MOV10L1: variants seen among roughly 807,000 people sequenced by gnomAD.
The protein encoded by MOV10L1 is RNA helicase Mov10l1.
A neutral mutation model predicts 143.8 loss-of-function variants in MOV10L1; 110 were observed. The observed-to-expected ratio is 0.76, with a 90% CI of 0.66 to 0.90. The LOEUF is 0.90. Ranked by LOEUF, MOV10L1 falls within the 40% of genes least tolerant of loss-of-function variation. The pLI, the probability that MOV10L1 is intolerant of heterozygous loss-of-function variation, is 0.00. For synonymous variants in MOV10L1, 593 were observed against 581.1 expected (o/e 1.02, Z -0.29); for missense variants, 1,406 against 1,526.8 (o/e 0.92, Z 1.32).
Position 50,099,414 on chromosome 22 carries a change from TGGTTTAGAGC to T in MOV10L1, c.283-25_283-16del, listed in dbSNP as rs776925443. 6.3e-7 allele frequency: 1 copy of T among 1,599,226 alleles called. No homozygotes were observed. Among genetic ancestry groups the T allele is most frequent in the Non-Finnish European group, 8.6e-7 (1 of 1,168,316 alleles). Reference sequence around the variant, plus strand: ...TGCTTTTCTTGTAGTTCTCGTATTATGGTTTAGAGCGGTGTGTTTGTTTTACAGGTAGAAG... The same window carrying T: ...TGCTTTTCTTGTAGTTCTCGTATTATGGTGTGTTTGTTTTACAGGTAGAAG... On this transcript the variant is annotated intron_variant, in intron 2 of 26. Coordinates refer to ENST00000262794, the MANE Select transcript of MOV10L1 (RefSeq NM_018995.3).
At chr22:50,096,695 A>G (rs1333093303) in intron 2 of MOV10L1, among the ~76,000 whole-genome samples, 1 of 152,042 alleles carries the variant, frequency 6.6e-6, no homozygotes, top group Non-Finnish European at 1.5e-5. Flanking sequence ...GTTGTGAGGT[A>G]GTATCTCACT....
intron 13 of MOV10L1, among the ~76,000 whole-genome samples, chr22:50,133,691 C>T (rs1012342461): frequency 6.6e-6 from 1 of 151,948 alleles, no homozygotes; most frequent in African/African-American, 2.4e-5. Flanking sequence ...CAGGCGTGCA[C>T]CACCACTATG....
At chr22:50,134,313 T>TG (rs1198847887) in intron 14 of MOV10L1, among the ~76,000 whole-genome samples, 10 of 133,852 alleles carry the variant, frequency 7.5e-5, no homozygotes, top group Non-Finnish European at 8.3e-5. Flanking sequence ...TTCATAAATG[T>TG]AATTTATGAA....
intron 19 of MOV10L1, among the ~76,000 whole-genome samples, chr22:50,146,783 G>A (rs1046593807): frequency 1.3e-5 from 2 of 152,206 alleles, no homozygotes; most frequent in Non-Finnish European, 2.9e-5. Flanking sequence ...ATCACAGCGT[G>A]TCACGGATGG....
At chr22:50,156,119 CT>C (rs35419031) in intron 22 of MOV10L1, among the ~76,000 whole-genome samples, 387 of 141,466 alleles carry the variant, frequency 2.7e-3, no homozygotes, top group Middle Eastern at 3.6e-3. Context: ...ATGTTAAAAA[CT>C]TTTTTTTTTT....
chr22:50,090,238 C>T (rs948500048), intron 1 of MOV10L1, 53 bp downstream of exon 1: 2 of 1,404,752 alleles, frequency 1.4e-6, no homozygotes, highest in Admixed American at 6.2e-5. Context: ...GCGTGTCGGC[C>T]ACGAGGGAGC....
intron 5 of MOV10L1, among the ~76,000 whole-genome samples, chr22:50,113,360 G>A (rs111235317): frequency 6.6e-6 from 1 of 152,194 alleles, no homozygotes; most frequent in Non-Finnish European, 1.5e-5. Context: ...CCTGCACTCT[G>A]AGCAGGAGGT....
At chr22:50,091,671 G>A (rs1411579379) in intron 1 of MOV10L1, among the ~76,000 whole-genome samples, 1 of 152,208 alleles carries the variant, frequency 6.6e-6, no homozygotes, top group Non-Finnish European at 1.5e-5. Flanking sequence ...CAGGCCCAGA[G>A]TAGTTAAGGA....
chr22:50,125,932 C>T (rs2062489271), intron 11 of MOV10L1, among the ~76,000 whole-genome samples: 2 of 150,956 alleles, frequency 1.3e-5, no homozygotes, highest in Admixed American at 6.7e-5. Context: ...GAACTACAGG[C>T]GCCCGCCACC....
chr22:50,110,319 G>A (rs374565549), intron 5 of MOV10L1, among the ~76,000 whole-genome samples: 41 of 151,568 alleles, frequency 2.7e-4, no homozygotes, highest in East Asian at 1.6e-3. Flanking sequence ...CGTGGTGGCC[G>A]GCGCCTGTAG....
At chr22:50,112,377 G>GTTTGTTC (rs1555982085) in intron 5 of MOV10L1, among the ~76,000 whole-genome samples, 20 of 152,176 alleles carry the variant, frequency 1.3e-4, no homozygotes, top group Non-Finnish European at 1.5e-5. Context: ...CAGGCTTCCT[G>GTTTGTTC]TCTGTTCTCT....
chr22:50,146,397 G>A (rs1240975786), intron 19 of MOV10L1, among the ~76,000 whole-genome samples: 1 of 152,084 alleles, frequency 6.6e-6, no homozygotes, highest in Non-Finnish European at 1.5e-5. Context: ...ACCTCCCCTG[G>A]GGGCTGGGAG....
At chr22:50,160,444 G>A (rs931475631) in intron 24 of MOV10L1, among the ~76,000 whole-genome samples, 2 of 150,650 alleles carry the variant, frequency 1.3e-5, no homozygotes, top group Non-Finnish European at 3.0e-5. Context: ...TAGTAGAGAC[G>A]GGGTTTCACC....
At position 50,114,513 on chromosome 22, in the gene MOV10L1, G is replaced by A; in HGVS notation, c.1017G>A (p.Glu339=). 1.2e-6 allele frequency: 2 copies of A among 1,614,166 alleles called. No individual in the cohort carries two copies. Among genetic ancestry groups the A allele is most frequent in the Non-Finnish European group, 1.7e-6 (2 of 1,180,028 alleles). The change falls in exon 7 of 27, where the codon GAG becomes GAA. Residue 339 remains glutamate, a synonymous_variant. Coordinates refer to ENST00000262794, the MANE Select transcript of MOV10L1 (RefSeq NM_018995.3). ...CPVVSFVSVP[E]KENSSDENIN... ...TGGTATCTTTTGTTTCTGTTCCTGA[G>A]AAGGAGAATTCATCAGATGAAAATA...
chr22:50,098,246 T>TATTAAGATTAACATCTTAATAATA, intron 2 of MOV10L1, among the ~76,000 whole-genome samples: 1 of 141,192 alleles, frequency 7.1e-6, no homozygotes, highest in East Asian at 2.0e-4. Context: ...TAATAATAAT[T>TATTAAGATTAACATCTTAATAATA]ATTAAGATTA....
At chr22:50,147,705 C>G (rs2063190158) in intron 19 of MOV10L1, among the ~76,000 whole-genome samples, 1 of 152,264 alleles carries the variant, frequency 6.6e-6, no homozygotes, top group African/African-American at 2.4e-5. Context: ...GCAATGTCAT[C>G]TGGCAAAAGT....
chr22:50,097,499 AT>A (rs764002605), intron 2 of MOV10L1, among the ~76,000 whole-genome samples: 2 of 151,340 alleles, frequency 1.3e-5, no homozygotes, highest in East Asian at 3.9e-4. Flanking sequence ...TCCCAGCACT[AT>A]TTTTTTTTGA....
intron 22 of MOV10L1, among the ~76,000 whole-genome samples, chr22:50,153,681 C>T (rs2063355093): frequency 6.6e-6 from 1 of 152,196 alleles, no homozygotes; most frequent in Admixed American, 6.5e-5. Context: ...GCGCCTGGGG[C>T]CTGAGGAGTG....
Position 50,153,235 on chromosome 22 carries a change from A to G in MOV10L1, c.3066+17A>G. The G allele has an allele frequency of 1.9e-6, 3 of 1,604,540 alleles. No homozygotes were observed. The South Asian group carries it at 3.3e-5, about 18-fold the overall frequency. ...GGTGTGCGGGTGAGTTGTGTCTTGA[A>G]TCCGTAGGTGACCGTGTCGGGTAAG... On this transcript the variant is annotated intron_variant, in intron 22 of 26. Transcript: ENST00000262794.
Sources: gnomAD v4.1 joint callset for allele counts (sites outside exome capture counted in the v4.1 genomes callset) on GRCh38, gnomAD v4.1.1 for gene constraint, MANE v1.5 for transcripts, NCBI Gene and HGNC (gene_info 2026-07-23, HGNC 2026-07-21) for gene names.